The following NRXN1 variants were observed in gnomAD, a reference collection of about 807,000 sequenced individuals.
The protein encoded by NRXN1 is neurexin 1.
A neutral mutation model predicts 150.9 loss-of-function variants in NRXN1; 39 were observed. The ratio of observed to expected loss-of-function variants is 0.26; its 90% confidence interval spans 0.20 to 0.34. NRXN1 has a LOEUF of 0.34. NRXN1 is among the 10% of genes least tolerant of loss of function. The pLI is 1.00. For missense variants in NRXN1, 1,815 were observed against 1,949.9 expected, an observed-to-expected ratio of 0.93 and a Z score of 1.30; for synonymous variants, 924 against 757.0, an observed-to-expected ratio of 1.22 and a Z score of -3.62.
At chr2:50,712,779 T>C (rs1695344200) in intron 5 of NRXN1, among the ~76,000 whole-genome samples, 1 of 152,172 alleles carries the variant, frequency 6.6e-6, no homozygotes, top group South Asian at 2.1e-4. Flanking sequence ...ACCTCATGAC[T>C]GCAGCCTTCA....
At chr2:50,896,426 T>A (rs978789722) in intron 5 of NRXN1, among the ~76,000 whole-genome samples, 1 of 152,186 alleles carries the variant, frequency 6.6e-6, no homozygotes, top group Non-Finnish European at 1.5e-5. Flanking sequence ...GAAACAATCA[T>A]TAAACTTTAA....
chr2:50,133,524 A>G (rs1364408155), intron 18 of NRXN1, among the ~76,000 whole-genome samples: 1 of 152,192 alleles, frequency 6.6e-6, no homozygotes, highest in Non-Finnish European at 1.5e-5. Context: ...CTTTAGGTCC[A>G]CAGGGATTTT....
intron 2 of NRXN1, among the ~76,000 whole-genome samples, chr2:50,953,160 T>C (rs949856265): frequency 3.3e-5 from 5 of 152,224 alleles, no homozygotes; most frequent in Admixed American, 6.5e-5. Flanking sequence ...AGGATGAGTA[T>C]AGACCCATTA....
At chr2:50,268,611 C>T (rs899746207) in intron 17 of NRXN1, among the ~76,000 whole-genome samples, 3 of 152,102 alleles carry the variant, frequency 2.0e-5, no homozygotes, top group African/African-American at 4.8e-5. Context: ...TCCCAGGGGG[C>T]GATTCCTTCC....
intron 21 of NRXN1, among the ~76,000 whole-genome samples, chr2:49,978,986 A>G (rs1195893269): frequency 6.6e-6 from 1 of 152,190 alleles, no homozygotes; most frequent in African/African-American, 2.4e-5. Context: ...ATCATCATAG[A>G]TAACAACCAG....
chr2:50,271,678 G>A (rs2069674684), intron 17 of NRXN1, among the ~76,000 whole-genome samples: 1 of 152,104 alleles, frequency 6.6e-6, no homozygotes, highest in Non-Finnish European at 1.5e-5. Context: ...TTTAACAACT[G>A]AGAAACCTAT....
rs1236075295 is a variant in NRXN1, at chr2:49,919,318, T to C, written c.*2626A>G. 6.6e-6 allele frequency: 1 copy of C among 152,140 alleles called. No individual in the cohort carries two copies. The highest frequency in any genetic ancestry group is 1.5e-5 in the Non-Finnish European group (1 of 67,980). The allele number at this position is 152,140 out of a possible 1,614,324, so 9.4% of individuals were successfully genotyped here. A position where few individuals can be genotyped will look rare whatever the true frequency, so the allele number is the denominator to read the frequency against. Reference sequence around the variant, plus strand: ...TTTCCATTGAGGAAAAAATAATTTTTGCTAGAGTTTGTGTAAGCCAATAAT... The same window carrying C: ...TTTCCATTGAGGAAAAAATAATTTTCGCTAGAGTTTGTGTAAGCCAATAAT... On this transcript the variant is annotated 3_prime_UTR_variant, in exon 23 of 23. Transcript: ENST00000401669.
intron 5 of NRXN1, among the ~76,000 whole-genome samples, chr2:50,873,409 T>C (rs1200621361): frequency 6.6e-6 from 1 of 151,866 alleles, no homozygotes; most frequent in Admixed American, 6.6e-5. Context: ...TTCATGATTA[T>C]AACATTCTAT....
At chr2:50,341,517 A>G (rs1016696534) in intron 17 of NRXN1, among the ~76,000 whole-genome samples, 1 of 152,228 alleles carries the variant, frequency 6.6e-6, no homozygotes, top group Admixed American at 6.5e-5. Context: ...ATTCTTAGTA[A>G]AGATAAGCAG....
chr2:50,953,612 C>T (rs1691779084), intron 2 of NRXN1, among the ~76,000 whole-genome samples: 1 of 151,140 alleles, frequency 6.6e-6, no homozygotes, highest in African/African-American at 2.4e-5. Context: ...GCTGGAGTGC[C>T]ATCGCATGAT....
intron 2 of NRXN1, among the ~76,000 whole-genome samples, chr2:50,973,783 T>G (rs1441974217): frequency 6.6e-6 from 1 of 152,144 alleles, no homozygotes; most frequent in East Asian, 1.9e-4. Flanking sequence ...GAAGTTAATT[T>G]TTATAATTGT....
intron 18 of NRXN1, among the ~76,000 whole-genome samples, chr2:50,180,630 T>C (rs1382614849): frequency 6.6e-6 from 1 of 152,092 alleles, no homozygotes; most frequent in Non-Finnish European, 1.5e-5. Flanking sequence ...TCCTTCCCTC[T>C]GGGGGATACA....
At chr2:50,094,439 C>CAGG (rs1294322759) in intron 18 of NRXN1, among the ~76,000 whole-genome samples, 5 of 152,082 alleles carry the variant, frequency 3.3e-5, no homozygotes, top group African/African-American at 1.2e-4. Flanking sequence ...ATCTCAAGTG[C>CAGG]AGGAGAAAGG....
intron 21 of NRXN1, among the ~76,000 whole-genome samples, chr2:50,000,830 A>C (rs1326885976): frequency 1.3e-5 from 2 of 152,166 alleles, no homozygotes; most frequent in Non-Finnish European, 2.9e-5. Flanking sequence ...TGAGCAAGGC[A>C]GGCTGGAGGT....
chr2:50,899,806 T>C (rs566524686), intron 5 of NRXN1, among the ~76,000 whole-genome samples: 3 of 152,318 alleles, frequency 2.0e-5, no homozygotes, highest in African/African-American at 4.8e-5. Context: ...GGCAGAATTA[T>C]GTCAAATACA....
intron 15 of NRXN1, among the ~76,000 whole-genome samples, 159 bp from the exon 16 acceptor site, chr2:50,472,630 G>A (rs747449223): frequency 6.0e-5 from 9 of 149,076 alleles, no homozygotes; most frequent in African/African-American, 1.3e-4. Context: ...CAATAGAGAC[G>A]TTTGAATAAT....
chr2:50,008,078 CAAGA>C (rs1342946462), intron 21 of NRXN1, among the ~76,000 whole-genome samples: 106 of 152,258 alleles, frequency 7.0e-4, no homozygotes, highest in African/African-American at 2.5e-3. Flanking sequence ...TAACCATCAA[CAAGA>C]GAGACAAGAT....
chr2:50,589,433 T>G (rs562309807), intron 8 of NRXN1: 1 of 152,264 alleles, frequency 6.6e-6, no homozygotes, highest in Non-Finnish European at 1.5e-5. Flanking sequence ...CATGGCTCAC[T>G]GCAACCTCCC....
intron 19 of NRXN1, among the ~76,000 whole-genome samples, chr2:50,077,077 C>T (rs1697227180): frequency 6.6e-6 from 1 of 152,128 alleles, no homozygotes; most frequent in Non-Finnish European, 1.5e-5. Context: ...TCATTTATCA[C>T]AAGGAGATAC....
Sources: allele counts gnomAD v4.1 joint callset (sites outside exome capture counted in the v4.1 genomes callset), GRCh38; gene constraint gnomAD v4.1.1; transcripts MANE v1.5; gene names NCBI Gene and HGNC (gene_info 2026-07-23, HGNC 2026-07-21).